Variants in PCDHGA3 observed in about 807,000 individuals in gnomAD.
The protein encoded by PCDHGA3 is protocadherin gamma subfamily A, 3, also known as protocadherin gamma-A3.
A neutral mutation model predicts 58.5 loss-of-function variants in PCDHGA3; 40 were observed. The ratio of observed to expected loss-of-function variants is 0.68; its 90% confidence interval spans 0.53 to 0.89. The LOEUF (loss-of-function observed/expected upper bound fraction) is 0.89. Among genes scored for constraint, PCDHGA3 ranks in the 40% least tolerant of loss-of-function variants. The probability of loss-of-function intolerance (pLI) is 0.00; values close to 1 mark genes in which losing one functional copy is unlikely to be tolerated. For missense variants in PCDHGA3, 1,223 were observed against 1,195.9 expected (o/e 1.02, Z -0.33); for synonymous variants, 530 against 525.7 (o/e 1.01, Z -0.11).
chr5:141,376,171 G>A (rs758847977), intron 1 of PCDHGA3: 1 of 1,614,096 alleles, frequency 6.2e-7, no homozygotes, highest in Non-Finnish European at 8.5e-7. Context: ...TGGTGGTGGC[G>A]GTGGCCGCGG....
At chr5:141,443,615 C>T (rs1430581477) in intron 1 of PCDHGA3, among the ~76,000 whole-genome samples, 3 of 152,198 alleles carry the variant, frequency 2.0e-5, no homozygotes, top group Non-Finnish European at 4.4e-5. Flanking sequence ...TTCTTATAAT[C>T]AGGTGATTGT....
intron 3 of PCDHGA3, among the ~76,000 whole-genome samples, chr5:141,507,891 C>A (rs1031803854): frequency 6.6e-6 from 1 of 152,208 alleles, no homozygotes; most frequent in African/African-American, 2.4e-5. Flanking sequence ...AGAGAGGTTC[C>A]TGAAGTCCAG....
chr5:141,345,423 A>C lies in PCDHGA3; in HGVS notation c.1390A>C (p.Asn464His). ...ATCCTACTCCGCCTACATTCCAGAA[A>C]ACAACCCCAGAGGAGCCTCCATCTT... The part of the protein sequence containing the change: ...HLSYSAYIPE[N>H]NPRGASIFSV... Residue 464 changes from asparagine to histidine, a missense_variant, in exon 1 of 4, where the codon AAC (asparagine) becomes CAC (histidine). Coordinates refer to ENST00000253812, the MANE Select transcript of PCDHGA3 (RefSeq NM_018916.4). 1 of 1,613,976 alleles carries C rather than the reference A, an allele frequency of 6.2e-7. No homozygotes were observed. Among genetic ancestry groups the C allele is most frequent in the Non-Finnish European group, 8.5e-7 (1 of 1,180,000 alleles).
Position 141,491,964 on chromosome 5 carries a change from C to A in PCDHGA3, c.2425-2843C>A. On this transcript the variant is annotated intron_variant, in intron 1 of 3. Transcript: ENST00000253812. The surrounding 1 kb of genome is among the most constrained non-coding windows in gnomAD (Gnocchi z 6.9). ...CCCCACCCCTACACTCAAAAAAGGC[C>A]GGGGCCTCCTTCGAGCTTCCGGTGA... The A allele has an allele frequency of 1.1e-6, 1 of 943,952 alleles. No homozygotes were observed. The highest frequency in any genetic ancestry group is 1.5e-6 in the Non-Finnish European group (1 of 671,094). 58.5% of individuals were successfully genotyped at this position (943,952 alleles called of 1,614,324 possible). A position where few individuals can be genotyped will look rare whatever the true frequency, so the allele number is the denominator to read the frequency against.
chr5:141,497,544 T>C (rs1410779650), intron 2 of PCDHGA3, among the ~76,000 whole-genome samples: 4 of 150,796 alleles, frequency 2.7e-5, no homozygotes, highest in African/African-American at 9.8e-5. Flanking sequence ...ACAAACCTTT[T>C]TTTTTTTTTT....
At position 141,365,513 on chromosome 5, in the gene PCDHGA3, G is replaced by C. The variant is rs756301595; in HGVS notation, c.2424+19056G>C. The C allele has an allele frequency of 8.7e-6, 14 of 1,613,760 alleles. No homozygotes were observed. The Admixed American group carries it at 2.3e-4, about 27-fold the overall frequency. Reference sequence around the variant, plus strand: ...TCCTAGGAATTTGCCTTTTAAATTGGAGAAGTCAGTTGATAATTACTATCA... The same window carrying C: ...TCCTAGGAATTTGCCTTTTAAATTGCAGAAGTCAGTTGATAATTACTATCA... On this transcript the variant is annotated intron_variant, in intron 1 of 3. Coordinates refer to ENST00000253812, the MANE Select transcript of PCDHGA3 (RefSeq NM_018916.4).
At chr5:141,350,262 T>C (rs539867344) in intron 1 of PCDHGA3, 3 of 1,510,436 alleles carry the variant, frequency 2.0e-6, no homozygotes, top group Admixed American at 2.3e-5. Context: ...GTTCCTGAAA[T>C]GCAGAGAGCC....
At position 141,485,122 on chromosome 5, in the gene PCDHGA3, G is replaced by A. The variant is rs1000179570; in HGVS notation, c.2425-9685G>A. The A allele has an allele frequency of 1.4e-6, 2 of 1,387,624 alleles. No individual in the cohort carries two copies. The highest frequency in any genetic ancestry group is 1.4e-5 in the African/African-American group (1 of 70,566). 86.0% of individuals were successfully genotyped at this position (1,387,624 alleles called of 1,614,324 possible). A position where few individuals can be genotyped will look rare whatever the true frequency, so the allele number is the denominator to read the frequency against. Reference sequence around the variant, plus strand: ...CAGCTGCTGTGGCTGTTTGGGGCGGGTCGGCTTCATCCGCGTCTCAGGAGC... The same window carrying A: ...CAGCTGCTGTGGCTGTTTGGGGCGGATCGGCTTCATCCGCGTCTCAGGAGC... On this transcript the variant is annotated intron_variant, in intron 1 of 3. Coordinates refer to ENST00000253812, the MANE Select transcript of PCDHGA3 (RefSeq NM_018916.4). The surrounding 1 kb of genome is among the most constrained non-coding windows in gnomAD (Gnocchi z 5.7).
At chr5:141,448,639 T>C (rs1248697237) in intron 1 of PCDHGA3, among the ~76,000 whole-genome samples, 1 of 152,148 alleles carries the variant, frequency 6.6e-6, no homozygotes, top group Non-Finnish European at 1.5e-5. Context: ...CATTATATCC[T>C]TTAAAAATAT....
At chr5:141,372,381 A>G in intron 1 of PCDHGA3, 1 of 1,613,964 alleles carries the variant, frequency 6.2e-7, no homozygotes, top group Admixed American at 1.7e-5. Flanking sequence ...GCTGCACCTA[A>G]TCTTCGCAGA....
At chr5:141,496,637 C>T (rs907246032) in intron 2 of PCDHGA3, among the ~76,000 whole-genome samples, 6 of 152,214 alleles carry the variant, frequency 3.9e-5, no homozygotes, top group Non-Finnish European at 7.3e-5. Context: ...GCTTGGGCTG[C>T]CCTTGCCCTT....
At chr5:141,382,679 C>G in intron 1 of PCDHGA3, 1 of 439,974 alleles carries the variant, frequency 2.3e-6, no homozygotes, top group South Asian at 6.8e-5. Flanking sequence ...GTTCACCAAC[C>G]AGGGAAAAAT....
chr5:141,362,320 C>T, intron 1 of PCDHGA3: 1 of 1,614,074 alleles, frequency 6.2e-7, no homozygotes, highest in South Asian at 1.1e-5. Flanking sequence ...CTGTTTTCAG[C>T]CTGGTCTCAG....
intron 1 of PCDHGA3, among the ~76,000 whole-genome samples, chr5:141,480,195 G>C (rs1350891459): frequency 6.6e-6 from 1 of 151,182 alleles, no homozygotes; most frequent in African/African-American, 2.4e-5. Flanking sequence ...CTTGAGGCCA[G>C]CAGTTCAAGA....
chr5:141,353,928 C>G (rs1759418004), intron 1 of PCDHGA3, among the ~76,000 whole-genome samples: 1 of 152,160 alleles, frequency 6.6e-6, no homozygotes, highest in South Asian at 2.1e-4. Flanking sequence ...TGAGTCATTT[C>G]TACTGCTAAT....
At chr5:141,382,989 T>C (rs1377336206) in intron 1 of PCDHGA3, 5 of 1,613,356 alleles carry the variant, frequency 3.1e-6, no homozygotes, top group East Asian at 2.2e-5. Context: ...GGGCAGGACG[T>C]ATTCTCTACT....
chr5:141,466,669 C>T lies in PCDHGA3; in HGVS notation c.2425-28138C>T, dbSNP rs529252130. The stretch of plus-strand genomic sequence containing the variant: ...TTTCACAAAACATCAGTGATTTCAC[C>T]GTTCTTCCACTCAAGCTTCATCATA... On this transcript the variant is annotated intron_variant, in intron 1 of 3. Transcript: ENST00000253812. Among the ~76,000 whole-genome samples the T allele has an allele frequency of 8.5e-5, 13 of 152,278 alleles. No homozygotes were observed. The East Asian group carries it at 9.6e-4, about 11-fold the overall frequency.
In PCDHGA3 at chr5:141,397,217, T is replaced by C. The variant is rs534809290; in HGVS notation, c.2424+50760T>C. On this transcript the variant is annotated intron_variant, in intron 1 of 3. Transcript: ENST00000253812. The stretch of plus-strand genomic sequence containing the variant: ...AAAGATATGACATAAGAGAAGTATT[T>C]TGAGATATGAAGAAGAGCAACGTAG... Among the ~76,000 whole-genome samples, 15 of 152,296 alleles carry C rather than the reference T, an allele frequency of 9.8e-5. No individual in the cohort carries two copies. In the East Asian group the frequency reaches 2.5e-3, roughly 25 times the overall value.
chr5:141,408,311 A>C (rs1467917610), intron 1 of PCDHGA3: 1 of 1,613,650 alleles, frequency 6.2e-7, no homozygotes, highest in African/African-American at 1.3e-5. Context: ...CCGCTACTCG[A>C]TTCCGGAGGA....
Sources: gnomAD v4.1 joint callset for allele counts (sites outside exome capture counted in the v4.1 genomes callset) on GRCh38, gnomAD v4.1.1 for gene constraint, Gnocchi (gnomAD v3.1) non-coding constraint, MANE v1.5 for transcripts, NCBI Gene and HGNC (gene_info 2026-07-23, HGNC 2026-07-21) for gene names.